SEC24B: variants seen among roughly 807,000 people sequenced by gnomAD.
SEC24B encodes the protein SEC24 homolog B, COPII component.
Under a neutral mutation model 142.8 loss-of-function variants are expected in SEC24B, and 45 were observed. The ratio of observed to expected loss-of-function variants is 0.32; its 90% CI spans 0.25 to 0.40. The LOEUF (loss-of-function observed/expected upper bound fraction) is 0.40, where lower values mean the gene tolerates loss of function less well. Among genes scored for constraint, SEC24B ranks in the 10% least tolerant of loss-of-function variants. The pLI is 1.00. For missense variants in SEC24B, 1,409 were observed against 1,526.8 expected, an observed-to-expected ratio of 0.92 and a Z score of 1.29; for synonymous variants, 574 against 568.2, an observed-to-expected ratio of 1.01 and a Z score of -0.15.
chr4:109,441,202 A>G (rs961124951), intron 1 of SEC24B, among the ~76,000 whole-genome samples: 2 of 152,146 alleles, frequency 1.3e-5, no homozygotes, highest in Non-Finnish European at 2.9e-5. Context: ...TGATTAATGG[A>G]TATTGTGAAA....
At chr4:109,528,640 A>G (rs1463516926) in intron 18 of SEC24B, among the ~76,000 whole-genome samples, 1 of 152,106 alleles carries the variant, frequency 6.6e-6, no homozygotes, top group Non-Finnish European at 1.5e-5. Flanking sequence ...TTGACACATA[A>G]CCACTATAGA....
chr4:109,472,965 T>G, intron 2 of SEC24B, 39 bp from the exon 3 acceptor site: 1 of 1,206,062 alleles, frequency 8.3e-7, no homozygotes, highest in African/African-American at 1.5e-5. Context: ...TATTAATATA[T>G]TTCAAGTTTC....
chr4:109,487,080 A>T (rs1448750008), intron 4 of SEC24B, among the ~76,000 whole-genome samples: 1 of 150,874 alleles, frequency 6.6e-6, no homozygotes, highest in Non-Finnish European at 1.5e-5. Flanking sequence ...CAGGAGAATC[A>T]CTTGAACCCG....
At chr4:109,500,405 A>G (rs1197817969) in intron 6 of SEC24B, among the ~76,000 whole-genome samples, 1 of 151,740 alleles carries the variant, frequency 6.6e-6, no homozygotes, top group African/African-American at 2.4e-5. Context: ...TTACCTGGGC[A>G]TTGTGGCGAG....
At chr4:109,445,539 A>G (rs1356290839) in intron 1 of SEC24B, among the ~76,000 whole-genome samples, 1 of 151,064 alleles carries the variant, frequency 6.6e-6, no homozygotes, top group Non-Finnish European at 1.5e-5. Flanking sequence ...GGCGTGAGCC[A>G]CGGCACCCAG....
Position 109,507,453 on chromosome 4 carries a change from T to G in SEC24B, c.1673+941T>G, listed in dbSNP as rs372434793. On this transcript the variant is annotated intron_variant, in intron 7 of 23. Coordinates refer to ENST00000265175, the MANE Select transcript of SEC24B (RefSeq NM_006323.5). ...GATGCGTGTCTAATTTTTGTATTTT[T>G]ATTAGAGATGGGGTTTCACCATGTT... 8.9e-4 allele frequency among the ~76,000 whole-genome samples: 135 copies of G among 151,920 alleles called. 3 individuals carry two copies. The South Asian group carries it at 0.028, about 31-fold the overall frequency.
intron 1 of SEC24B, among the ~76,000 whole-genome samples, chr4:109,456,335 T>G (rs1022115571): frequency 1.6e-5 from 1 of 61,294 alleles, no homozygotes; most frequent in Non-Finnish European, 3.5e-5. Flanking sequence ...GTTTTTTTTG[T>G]TTTTTTTTTT....
chr4:109,523,841 T>C (rs1345808508), intron 14 of SEC24B, among the ~76,000 whole-genome samples: 1 of 152,208 alleles, frequency 6.6e-6, no homozygotes, highest in Non-Finnish European at 1.5e-5. Flanking sequence ...CTTCTCTTCT[T>C]AAGGACTCTC....
chr4:109,496,852 T>A (rs976551265), intron 6 of SEC24B, among the ~76,000 whole-genome samples: 2 of 152,154 alleles, frequency 1.3e-5, no homozygotes, highest in Non-Finnish European at 2.9e-5. Flanking sequence ...CCTGTTTGAC[T>A]CTTGTGCTTT....
intron 15 of SEC24B, 23 bp downstream of exon 15, chr4:109,524,964 C>A: frequency 6.3e-7 from 1 of 1,580,140 alleles, no homozygotes; most frequent in Non-Finnish European, 8.6e-7. Context: ...ATCATGGGTA[C>A]ATTTGTTTAA....
At chr4:109,467,325 CAAAAAAAA>C (rs70949083) in intron 2 of SEC24B, among the ~76,000 whole-genome samples, 2 of 59,850 alleles carry the variant, frequency 3.3e-5, no homozygotes, top group African/African-American at 6.5e-5. Flanking sequence ...GACTCCGTCT[CAAAAAAAA>C]AAAAAAAAAA....
At chr4:109,523,210 C>G (rs1187769995) in intron 14 of SEC24B, among the ~76,000 whole-genome samples, 2 of 152,132 alleles carry the variant, frequency 1.3e-5, no homozygotes, top group African/African-American at 4.8e-5. Context: ...TGGCTCACAC[C>G]TATAATCCCG....
chr4:109,467,079 C>G (rs1731979823), intron 2 of SEC24B, among the ~76,000 whole-genome samples: 1 of 151,520 alleles, frequency 6.6e-6, no homozygotes, highest in African/African-American at 2.4e-5. Flanking sequence ...GTAATCCCAG[C>G]ACTTTGGGAG....
At chr4:109,460,333 C>T (rs902487271) in intron 1 of SEC24B, among the ~76,000 whole-genome samples, 1 of 152,042 alleles carries the variant, frequency 6.6e-6, no homozygotes, top group Non-Finnish European at 1.5e-5. Context: ...GTGGTACTTC[C>T]TTTGTGTACT....
chr4:109,476,710 T>C (rs545392134), intron 3 of SEC24B, among the ~76,000 whole-genome samples: 1 of 152,364 alleles, frequency 6.6e-6, no homozygotes, highest in East Asian at 1.9e-4. Context: ...TATAACAGTT[T>C]GTAATTTGCA....
chr4:109,454,888 AG>A (rs1730501857), intron 1 of SEC24B, among the ~76,000 whole-genome samples: 1 of 152,258 alleles, frequency 6.6e-6, no homozygotes, highest in Non-Finnish European at 1.5e-5. Flanking sequence ...GCAGAAAGAA[AG>A]AATGTGTGCT....
At chr4:109,452,094 T>A (rs1423300408) in intron 1 of SEC24B, among the ~76,000 whole-genome samples, 1 of 152,104 alleles carries the variant, frequency 6.6e-6, no homozygotes, top group African/African-American at 2.4e-5. Flanking sequence ...AAAAAAGTTC[T>A]TATAGTCAGT....
rs762872342 is a variant in SEC24B, at chr4:109,433,863, C to T, written c.-7C>T. The T allele has an allele frequency of 2.0e-5, 27 of 1,327,136 alleles. No homozygotes were observed. In the South Asian group the frequency reaches 4.8e-4, roughly 24 times the overall value. 82.2% of individuals were successfully genotyped at this position (1,327,136 alleles called of 1,614,324 possible). A position where few individuals can be genotyped will look rare whatever the true frequency, so the allele number is the denominator to read the frequency against. ...GAAGCGGAGCCGCCGTCGCCACCAG[C>T]GCCGTCATGTCGGCCCCCGCCGGGT... On this transcript the variant is annotated 5_prime_UTR_variant, in exon 1 of 24. Transcript: ENST00000265175.
At chr4:109,529,325 C>A (rs923741116) in intron 18 of SEC24B, among the ~76,000 whole-genome samples, 15 of 152,054 alleles carry the variant, frequency 9.9e-5, no homozygotes, top group African/African-American at 2.9e-4. Flanking sequence ...GTACCCCAAA[C>A]CTCAGGATTC....
Sources: allele counts gnomAD v4.1 joint callset (sites outside exome capture counted in the v4.1 genomes callset), GRCh38; gene constraint gnomAD v4.1.1; transcripts MANE v1.5; gene names NCBI Gene and HGNC (gene_info 2026-07-23, HGNC 2026-07-21).